PTPRB: variants seen among roughly 807,000 people sequenced by gnomAD.
PTPRB encodes the protein protein tyrosine phosphatase receptor type B.
In PTPRB, 97 loss-of-function variants were observed where a neutral mutation model predicts 238.1. That is an observed-to-expected ratio of 0.41 (90% CI 0.35 to 0.48). PTPRB has a LOEUF of 0.48. Among genes scored for constraint, PTPRB ranks in the 20% least tolerant of loss-of-function variants. The pLI, the probability that PTPRB is intolerant of heterozygous loss-of-function variation, is 0.30. For synonymous variants in PTPRB, 970 were observed against 995.4 expected, an observed-to-expected ratio of 0.97 and a Z score of 0.48; for missense variants, 2,292 against 2,681.9, an observed-to-expected ratio of 0.85 and a Z score of 3.21.
chr12:70,589,259 A>G (rs1882243555), intron 8 of PTPRB, among the ~76,000 whole-genome samples: 1 of 152,216 alleles, frequency 6.6e-6, no homozygotes, highest in Non-Finnish European at 1.5e-5. Flanking sequence ...TTCTAAGAAG[A>G]ACAGTGAATC....
In PTPRB at chr12:70,571,262, A is replaced by G. The variant is rs1880017941; in HGVS notation, c.3134T>C (p.Leu1045Ser). The G allele has an allele frequency of 1.2e-6, 2 of 1,607,396 alleles. No homozygotes were observed. Among genetic ancestry groups the G allele is most frequent in the Non-Finnish European group, 1.7e-6 (2 of 1,174,048 alleles). The change falls in exon 13 of 34, where the codon TTG becomes TCG. Residue 1045 changes from leucine (L) to serine (S), a missense_variant. Physicochemically the swap from Leu to Ser is moderately radical, Grantham distance 145. Transcript: ENST00000334414. Reference protein sequence around the residue: ...TIPEPVKDLTLRNRSTEDLHV... With the variant: ...TIPEPVKDLTSRNRSTEDLHV... ...CAAGTCCTCAGTGCTCCTGTTGCGC[A>G]ATGTTAGATCCTTAACAGGCTCTGG...
Position 70,609,201 on chromosome 12 carries a change from C to G in PTPRB, c.847G>C (p.Ala283Pro), listed in dbSNP as rs750972452. ...ATCCGAAAGGTAGGGCACAACGCGG[C>G]CCCCAGGGTGTCACTGCTATAGATG... ...SLIYSSDTLG[A>P]ALCPTFRIDN... The change falls in exon 4 of 34, where the codon GCC becomes CCC. Residue 283 changes from alanine to proline, a missense_variant. Physicochemically the swap from Ala to Pro is conservative, Grantham distance 27. This residue lies in a region of PTPRB where 1,205 missense variants were observed against 1,287.8 expected (regional missense o/e 0.94). Coordinates refer to ENST00000334414, the MANE Select transcript of PTPRB (RefSeq NM_001109754.4). The G allele has an allele frequency of 6.2e-7, 1 of 1,614,026 alleles. No homozygotes were observed. Among genetic ancestry groups the G allele is most frequent in the South Asian group, 1.1e-5 (1 of 91,084 alleles).
chr12:70,603,386 A>G (rs1388302272), intron 4 of PTPRB, among the ~76,000 whole-genome samples: 1 of 152,218 alleles, frequency 6.6e-6, no homozygotes, highest in Non-Finnish European at 1.5e-5. Context: ...AAGTATATAT[A>G]TATTTAAAAG....
chr12:70,539,038 T>C, intron 26 of PTPRB, 24 bp from the exon 27 acceptor site: 2 of 1,553,550 alleles, frequency 1.3e-6, no homozygotes, highest in Non-Finnish European at 1.8e-6. Flanking sequence ...TATGAGTTTG[T>C]AAGTGGAGAA....
intron 10 of PTPRB, 141 bp from the exon 11 acceptor site, chr12:70,576,786 G>C: frequency 1.7e-6 from 1 of 595,554 alleles, no homozygotes; most frequent in South Asian, 2.0e-5. Context: ...TTATATAAGA[G>C]GTCAAGGAAG....
intron 28 of PTPRB, among the ~76,000 whole-genome samples, chr12:70,536,599 G>C (rs1318195249): frequency 6.6e-6 from 1 of 152,212 alleles, no homozygotes; most frequent in Non-Finnish European, 1.5e-5. Flanking sequence ...AGAAACTGTT[G>C]ACTGAGCGTC....
At chr12:70,606,088 G>A (rs1218405382) in intron 4 of PTPRB, among the ~76,000 whole-genome samples, 1 of 152,136 alleles carries the variant, frequency 6.6e-6, no homozygotes, top group African/African-American at 2.4e-5. Flanking sequence ...TGAAAGCATG[G>A]CATACATGAG....
chr12:70,569,866 G>A lies in PTPRB; in HGVS notation c.3443C>T (p.Pro1148Leu), dbSNP rs1210759908. ...GTAGGAATCAACGTCTCCCCCACCAGGAGTCCAGTTCACCGTCAGGCTATC... is the reference window on the plus strand; with the variant it reads ...GTAGGAATCAACGTCTCCCCCACCAAGAGTCCAGTTCACCGTCAGGCTATC... ...ATDSLTVNWTPGGGDVDSYTV... is the reference protein window; with the variant it reads ...ATDSLTVNWTLGGGDVDSYTV... Residue 1148 changes from proline to leucine, a missense_variant, in exon 14 of 34, where the codon CCT (proline) becomes CTT (leucine). Physicochemically the swap from Pro to Leu is moderately conservative, Grantham distance 98 (BLOSUM62 -3). Transcript: ENST00000334414. 3 of 1,613,926 alleles carry A rather than the reference G, an allele frequency of 1.9e-6. No individual in the cohort carries two copies. The highest frequency in any genetic ancestry group is 3.3e-5 in the Admixed American group (2 of 60,014).
intron 3 of PTPRB, 66 bp downstream of exon 3, chr12:70,622,324 G>A: frequency 6.4e-7 from 1 of 1,571,600 alleles, no homozygotes; most frequent in Non-Finnish European, 8.7e-7. Context: ...AGCAAAGCAA[G>A]TCTTTTCAAG....
At chr12:70,625,591 G>A (rs1885138070) in intron 2 of PTPRB, among the ~76,000 whole-genome samples, 1 of 151,738 alleles carries the variant, frequency 6.6e-6, no homozygotes, top group Admixed American at 6.6e-5. Context: ...GTTGAAACAG[G>A]TGCTGTGAAA....
At chr12:70,586,090 T>C (rs56210221) in intron 9 of PTPRB, among the ~76,000 whole-genome samples, 16,133 of 152,228 alleles carry the variant, frequency 0.11, 985 homozygotes, top group Non-Finnish European at 0.13. Flanking sequence ...CTATTGTGAA[T>C]AGTGCCGCAA....
chr12:70,609,978 GC>G (rs1884325181), intron 3 of PTPRB: 2 of 445,902 alleles, frequency 4.5e-6, no homozygotes. Context: ...GGCCACCGCT[GC>G]TGCTGCTGCT....
intron 3 of PTPRB, among the ~76,000 whole-genome samples, chr12:70,614,942 T>G (rs984317491): frequency 4.1e-4 from 63 of 152,300 alleles, no homozygotes; most frequent in African/African-American, 1.4e-3. Flanking sequence ...CTGAGATACT[T>G]ACTTTTCAAG....
Position 70,534,483 on chromosome 12 carries a change from A to C in PTPRB, c.6368+5T>G. 2 of 1,610,942 alleles carry C rather than the reference A, an allele frequency of 1.2e-6. No individual in the cohort carries two copies. Among genetic ancestry groups the C allele is most frequent in the Non-Finnish European group, 1.7e-6 (2 of 1,179,274 alleles). On this transcript the variant is annotated splice_donor_5th_base_variant and intron_variant, in intron 31 of 33. Transcript: ENST00000334414. Reference sequence around the variant, plus strand: ...CATTTTATTGGCTGCTAGGTTTCCTAGTACCTGCAGTGCACCACAGTGGGC... The same window carrying C: ...CATTTTATTGGCTGCTAGGTTTCCTCGTACCTGCAGTGCACCACAGTGGGC...
intron 26 of PTPRB, chr12:70,539,343 T>A: frequency 1.8e-6 from 1 of 546,336 alleles, no homozygotes; most frequent in Non-Finnish European, 3.2e-6. Flanking sequence ...GCTGAATATC[T>A]GACAGCTTTA....
At chr12:70,563,256 A>G in intron 15 of PTPRB, 149 bp from the exon 16 acceptor site, 1 of 903,996 alleles carries the variant, frequency 1.1e-6, no homozygotes, top group East Asian at 2.7e-5. Context: ...AAAGCACTTT[A>G]CAAAAATCTT....
Position 70,540,961 on chromosome 12 carries a change from C to A in PTPRB, c.5495-4G>T. The A allele has an allele frequency of 6.3e-7, 1 of 1,596,066 alleles. No homozygotes were observed. Among genetic ancestry groups the A allele is most frequent in the South Asian group, 1.1e-5 (1 of 87,452 alleles). ...TCAATAGCTCCAAACAAGGGCTCTA[C>A]AATAATCCAGATAGAAACAACAAAC... On this transcript the variant is annotated splice_polypyrimidine_tract_variant and splice_region_variant and intron_variant, in intron 22 of 33. Transcript: ENST00000334414.
intron 18 of PTPRB, among the ~76,000 whole-genome samples, chr12:70,557,957 G>A (rs755413751): frequency 3.9e-5 from 6 of 152,174 alleles, no homozygotes; most frequent in Non-Finnish European, 8.8e-5. Context: ...CAGACAATGC[G>A]CCCTTCTGTT....
Position 70,547,317 on chromosome 12 carries a change from T to TC in PTPRB, c.5388-2655dup, listed in dbSNP as rs556364812. Among the ~76,000 whole-genome samples, 70 of 152,302 alleles carry TC rather than the reference T, an allele frequency of 4.6e-4. 1 individual carries two copies. The East Asian group carries it at 0.012, about 26-fold the overall frequency. On this transcript the variant is annotated intron_variant, in intron 21 of 33. Coordinates refer to ENST00000334414, the MANE Select transcript of PTPRB (RefSeq NM_001109754.4). ...AAGGTCCACAAAGGGAAACAAGTAG[T>TC]CACCACACATTAAAGGGGAAGGTGA...
Sources: allele counts gnomAD v4.1 joint callset (sites outside exome capture counted in the v4.1 genomes callset), GRCh38; gene constraint gnomAD v4.1.1; regional missense constraint gnomAD v4.1.1; transcripts MANE v1.5; gene names NCBI Gene and HGNC (gene_info 2026-07-23, HGNC 2026-07-21).